AK7: variants seen among roughly 807,000 people sequenced by gnomAD.
AK7 encodes adenylate kinase 7.
AK7 carries 78 observed loss-of-function variants against 96.6 expected under a neutral mutation model. That is an observed-to-expected ratio of 0.81 (90% CI 0.67 to 0.97). The LOEUF (loss-of-function observed/expected upper bound fraction) is 0.97, where lower values mean the gene tolerates loss of function less well. AK7 is among the 50% of genes least tolerant of loss of function. The probability of loss-of-function intolerance (pLI) is 0.00; values close to 1 mark genes in which losing one functional copy is unlikely to be tolerated. For synonymous variants in AK7, 302 were observed against 317.2 expected, an observed-to-expected ratio of 0.95 and a Z score of 0.51; for missense variants, 855 against 887.9, an observed-to-expected ratio of 0.96 and a Z score of 0.47.
intron 5 of AK7, among the ~76,000 whole-genome samples, chr14:96,431,745 G>T (rs930879424): frequency 2.0e-5 from 3 of 152,178 alleles, no homozygotes; most frequent in African/African-American, 7.2e-5. Flanking sequence ...TGATTTGTTT[G>T]TGGAGAGTTC....
At chr14:96,423,934 C>T (rs1891863828) in intron 5 of AK7, 8 of 1,065,674 alleles carry the variant, frequency 7.5e-6, no homozygotes, top group Non-Finnish European at 1.0e-5. Context: ...GCTGATGTCA[C>T]TGCCCTTCAT....
intron 1 of AK7, among the ~76,000 whole-genome samples, chr14:96,397,468 C>T (rs1595365009): frequency 1.3e-5 from 2 of 152,114 alleles, no homozygotes; most frequent in Admixed American, 6.5e-5. Flanking sequence ...AGGCTGGTGT[C>T]GAGCTCCTGA....
intron 7 of AK7, among the ~76,000 whole-genome samples, chr14:96,446,223 G>A (rs1334148860): frequency 2.7e-5 from 4 of 150,780 alleles, no homozygotes; most frequent in Non-Finnish European, 4.4e-5. Context: ...GGGAGACAGG[G>A]CAGTATGCTA....
At chr14:96,458,318 G>A (rs1171896740) in intron 12 of AK7, 106 bp downstream of exon 12, 25 of 1,411,388 alleles carry the variant, frequency 1.8e-5, no homozygotes, top group South Asian at 5.8e-5. Flanking sequence ...AACTACAGGC[G>A]GGCGCCATGG....
rs1347185688 is a variant in AK7 at position 96,458,194 on chromosome 14, A to T, written c.1339A>T (p.Ser447Cys). ...AQELLDGIKE[S>C]MEQNAGQLDD... ...GGAGCTCCTAGATGGCATCAAGGAG[A>T]GCATGGAGCAGAATGCAGGTAACAC... is the stretch of plus-strand genomic sequence containing the variant. The change falls in exon 12 of 18, where the codon AGC (serine) becomes TGC (cysteine). Residue 447 changes from serine (S) to cysteine (C), a missense_variant. Ser to Cys is a moderately radical substitution (Grantham distance 112). Coordinates refer to ENST00000267584, the MANE Select transcript of AK7 (RefSeq NM_152327.5). 6.2e-7 allele frequency: 1 copy of T among 1,613,932 alleles called. No individual in the cohort carries two copies. The highest frequency in any genetic ancestry group is 1.7e-5 in the Admixed American group (1 of 60,014).
rs561773686 is a variant in AK7, at chr14:96,480,694, G to A, written c.1753+2032G>A. Among the ~76,000 whole-genome samples the A allele has an allele frequency of 4.6e-5, 7 of 152,226 alleles. No homozygotes were observed. The East Asian group carries it at 1.4e-3, about 29-fold the overall frequency. ...GTTAGGTCCCAAAAACTGTTTATAG[G>A]AAGATCAGGAGAGCCCAGGAGAAAT... On this transcript the variant is annotated intron_variant, in intron 15 of 17. Coordinates refer to ENST00000267584, the MANE Select transcript of AK7 (RefSeq NM_152327.5).
intron 4 of AK7, among the ~76,000 whole-genome samples, chr14:96,415,050 T>C (rs1328663746): frequency 2.0e-5 from 3 of 151,822 alleles, no homozygotes; most frequent in Non-Finnish European, 4.4e-5. Flanking sequence ...TGACCGAACA[T>C]GGCTGAAGAT....
chr14:96,398,246 G>A lies in AK7; in HGVS notation c.277G>A (p.Ala93Thr), dbSNP rs963326734. 1.9e-6 allele frequency: 3 copies of A among 1,613,196 alleles called. No homozygotes were observed. Among genetic ancestry groups the A allele is most frequent in the Admixed American group, 1.7e-5 (1 of 60,028 alleles). The change falls in exon 2 of 18, where the codon GCG becomes ACG. Residue 93 changes from alanine (A) to threonine (T), a missense_variant. Coordinates refer to ENST00000267584, the MANE Select transcript of AK7 (RefSeq NM_152327.5). Reference protein sequence around the residue: ...SKPDSPRPDFAVETYSAISRE... With the variant: ...SKPDSPRPDFTVETYSAISRE... ...GCCTGACAGCCCGCGGCCTGACTTTGCGGTGGAGACGTACTCTGTAAGTCC... is the reference window on the plus strand; with the variant it reads ...GCCTGACAGCCCGCGGCCTGACTTTACGGTGGAGACGTACTCTGTAAGTCC...
chr14:96,463,926 A>C (rs1894413008), intron 12 of AK7, among the ~76,000 whole-genome samples: 1 of 152,052 alleles, frequency 6.6e-6, no homozygotes. Flanking sequence ...GTGTCTGTGG[A>C]AGCCTGGACG....
intron 14 of AK7, among the ~76,000 whole-genome samples, chr14:96,474,566 C>T (rs1175882692): frequency 6.6e-6 from 1 of 151,658 alleles, no homozygotes; most frequent in East Asian, 1.9e-4. Context: ...GTCAAGGCTG[C>T]AGGTGCCCTG....
chr14:96,400,974 G>A (rs1890375552), intron 2 of AK7, among the ~76,000 whole-genome samples: 1 of 152,168 alleles, frequency 6.6e-6, no homozygotes, highest in Non-Finnish European at 1.5e-5. Context: ...AAACCTCAGA[G>A]AGCTGTGGGC....
In AK7 at chr14:96,449,908, T is replaced by TA. The variant is rs201642326; in HGVS notation, c.948+31dup. 23 of 1,475,610 alleles carry TA rather than the reference T, an allele frequency of 1.6e-5. No individual in the cohort carries two copies. The South Asian group carries it at 2.1e-4, about 13-fold the overall frequency. The allele number at this position is 1,475,610 out of a possible 1,614,324, so 91.4% of individuals were successfully genotyped here. A position where few individuals can be genotyped will look rare whatever the true frequency, so the allele number is the denominator to read the frequency against. On this transcript the variant is annotated intron_variant, in intron 9 of 17. Coordinates refer to ENST00000267584, the MANE Select transcript of AK7 (RefSeq NM_152327.5). ...AGTATATGCGGTGTTTTTTTTTTTT[T>TA]AACTATCTTTCTCAATAATATGGAG...
chr14:96,473,478 T>G (rs1326741761), intron 14 of AK7, among the ~76,000 whole-genome samples: 1 of 151,900 alleles, frequency 6.6e-6, no homozygotes, highest in Non-Finnish European at 1.5e-5. Context: ...TTTTTTTTTT[T>G]TAACTACTTC....
At chr14:96,414,944 A>T (rs2140022340) in intron 4 of AK7, among the ~76,000 whole-genome samples, 1 of 152,006 alleles carries the variant, frequency 6.6e-6, no homozygotes, top group Admixed American at 6.6e-5. Flanking sequence ...TTGTAGTGAC[A>T]GGGTTTTGCC....
chr14:96,469,920 C>T (rs1215222602), intron 12 of AK7, among the ~76,000 whole-genome samples: 4 of 152,042 alleles, frequency 2.6e-5, no homozygotes, highest in Admixed American at 6.5e-5. Flanking sequence ...CGGGTTCAAG[C>T]GATTCTCCTG....
At chr14:96,452,008 G>A (rs996099556) in intron 10 of AK7, among the ~76,000 whole-genome samples, 5 of 152,184 alleles carry the variant, frequency 3.3e-5, no homozygotes, top group Admixed American at 6.6e-5. Flanking sequence ...ATACATGTGG[G>A]AGGTAGAAGA....
chr14:96,400,574 C>G (rs904081447), intron 2 of AK7, among the ~76,000 whole-genome samples: 11 of 152,194 alleles, frequency 7.2e-5, no homozygotes. Flanking sequence ...GCTCTGCCCT[C>G]CTTGAGGGAT....
At chr14:96,422,283 A>C (rs1284069185) in intron 5 of AK7, among the ~76,000 whole-genome samples, 1 of 152,230 alleles carries the variant, frequency 6.6e-6, no homozygotes, top group African/African-American at 2.4e-5. Flanking sequence ...CTTAAAACAG[A>C]AACACAGTCT....
chr14:96,406,839 G>C (rs545370733), intron 3 of AK7, among the ~76,000 whole-genome samples: 1 of 151,930 alleles, frequency 6.6e-6, no homozygotes, highest in Admixed American at 6.6e-5. Context: ...TGTGCATCCA[G>C]CTATTTTTAA....
Sources: allele counts gnomAD v4.1 joint callset (sites outside exome capture counted in the v4.1 genomes callset), GRCh38; gene constraint gnomAD v4.1.1; transcripts MANE v1.5; gene names NCBI Gene and HGNC (gene_info 2026-07-23, HGNC 2026-07-21).